ATP11B: variants seen among roughly 807,000 people sequenced by gnomAD.
ATP11B encodes phospholipid-transporting ATPase IF.
In ATP11B, 81 loss-of-function variants were observed where a neutral mutation model predicts 157.8. The ratio of observed to expected loss-of-function variants is 0.51; its 90% confidence interval spans 0.43 to 0.62. ATP11B has a LOEUF of 0.62. ATP11B is among the 20% of genes least tolerant of loss of function. The pLI, the probability that ATP11B is intolerant of heterozygous loss-of-function variation, is 0.00. For synonymous variants in ATP11B, 451 were observed against 469.4 expected, an observed-to-expected ratio of 0.96 and a Z score of 0.51; for missense variants, 1,165 against 1,402.2, an observed-to-expected ratio of 0.83 and a Z score of 2.70.
chr3:182,840,200 CT>C (rs1718899229), intron 7 of ATP11B, among the ~76,000 whole-genome samples: 1 of 152,142 alleles, frequency 6.6e-6, no homozygotes, highest in Non-Finnish European at 1.5e-5. Context: ...TTGCTTTCTC[CT>C]CTTTGATACA....
intron 1 of ATP11B, among the ~76,000 whole-genome samples, chr3:182,809,781 T>G (rs1467951906): frequency 6.6e-6 from 1 of 152,250 alleles, no homozygotes; most frequent in Non-Finnish European, 1.5e-5. Flanking sequence ...CATAAATCAC[T>G]AAGATTTCAT....
At chr3:182,802,019 A>G (rs558966225) in intron 1 of ATP11B, among the ~76,000 whole-genome samples, 16 of 152,368 alleles carry the variant, frequency 1.1e-4, no homozygotes, top group African/African-American at 3.6e-4. Flanking sequence ...CTTTGCTTCA[A>G]AACATCATGT....
intron 1 of ATP11B, among the ~76,000 whole-genome samples, chr3:182,808,932 CT>C (rs1716487369): frequency 6.6e-6 from 1 of 151,910 alleles, no homozygotes; most frequent in South Asian, 2.1e-4. Flanking sequence ...CCCTAATGTT[CT>C]TTTTCTGGTT....
chr3:182,883,245 A>G (rs1722549772), intron 21 of ATP11B, among the ~76,000 whole-genome samples: 1 of 151,526 alleles, frequency 6.6e-6, no homozygotes, highest in Non-Finnish European at 1.5e-5. Context: ...CAACAAAAGC[A>G]AGTTGTAAAA....
chr3:182,865,062 C>G (rs1721126650), intron 12 of ATP11B, among the ~76,000 whole-genome samples: 2 of 152,106 alleles, frequency 1.3e-5, no homozygotes, highest in African/African-American at 4.8e-5. Context: ...TTTCTCCTCA[C>G]TCGGATACCC....
chr3:182,840,201 T>C (rs529155), intron 7 of ATP11B, among the ~76,000 whole-genome samples: 78,139 of 152,016 alleles, frequency 0.51, 22,834 homozygotes, highest in Non-Finnish European at 0.66. Flanking sequence ...TGCTTTCTCC[T>C]CTTTGATACA....
At chr3:182,841,101 C>G (rs1180704113) in intron 7 of ATP11B, among the ~76,000 whole-genome samples, 1 of 152,162 alleles carries the variant, frequency 6.6e-6, no homozygotes, top group African/African-American at 2.4e-5. Context: ...TCTACTCCCA[C>G]CTGGTCACTA....
intron 7 of ATP11B, among the ~76,000 whole-genome samples, chr3:182,840,779 C>T (rs1034259367): frequency 6.6e-6 from 1 of 152,126 alleles, no homozygotes; most frequent in African/African-American, 2.4e-5. Flanking sequence ...CAAAATCTGA[C>T]CATCTTTTCC....
intron 22 of ATP11B, among the ~76,000 whole-genome samples, chr3:182,885,502 A>G (rs972222822): frequency 1.2e-4 from 19 of 152,110 alleles, no homozygotes; most frequent in African/African-American, 4.3e-4. Flanking sequence ...GTTTTTTTCT[A>G]ACTTATTTTT....
At position 182,918,030 on chromosome 3, in the gene ATP11B, A is replaced by G. The variant is rs1034530878; in HGVS notation, c.3460A>G (p.Ser1154Gly). The change falls in exon 30 of 30, where the codon AGT becomes GGT. Residue 1154 changes from serine (S) to glycine (G), a missense_variant. Transcript: ENST00000323116. ...CSPTHISRSWSASDPFYTNDR... is the reference protein window; with the variant it reads ...CSPTHISRSWGASDPFYTNDR... ...CTCTTATTGTTACTTTAGATCATGG[A>G]GTGCATCGGATCCTTTCTATACCAA... The G allele has an allele frequency of 1.2e-6, 2 of 1,613,022 alleles. No individual in the cohort carries two copies. Among genetic ancestry groups the G allele is most frequent in the Non-Finnish European group, 1.7e-6 (2 of 1,179,368 alleles).
rs534362241 is a variant in ATP11B at position 182,806,592 on chromosome 3, C to T, written c.27+12806C>T. Among the ~76,000 whole-genome samples, 11 of 152,152 alleles carry T rather than the reference C, an allele frequency of 7.2e-5. No individual in the cohort carries two copies. In the South Asian group the frequency reaches 2.3e-3, roughly 32 times the overall value. On this transcript the variant is annotated intron_variant, in intron 1 of 29. Coordinates refer to ENST00000323116, the MANE Select transcript of ATP11B (RefSeq NM_014616.3). ...TTTTTATTTCTAGCTTCTAGTCCAC[C>T]AATTCTCTTGTTTTCACTGTAGTTT... is the stretch of plus-strand genomic sequence containing the variant.
At chr3:182,813,977 T>A (rs912851635) in intron 1 of ATP11B, among the ~76,000 whole-genome samples, 18 of 152,302 alleles carry the variant, frequency 1.2e-4, no homozygotes, top group African/African-American at 4.3e-4. Flanking sequence ...CCACCTGCCT[T>A]GGCCTCCCAA....
intron 28 of ATP11B, among the ~76,000 whole-genome samples, chr3:182,913,257 A>T (rs1312304385): frequency 6.6e-6 from 1 of 152,216 alleles, no homozygotes; most frequent in African/African-American, 2.4e-5. Context: ...ATGATAAATG[A>T]TGCTTTTTTC....
At chr3:182,884,246 A>T (rs1224722120) in intron 21 of ATP11B, among the ~76,000 whole-genome samples, 2 of 152,074 alleles carry the variant, frequency 1.3e-5, no homozygotes, top group Non-Finnish European at 2.9e-5. Flanking sequence ...GCTTATTTTT[A>T]AAAATTTATT....
chr3:182,921,625 T>TATA (rs1435138231), exon 30 of ATP11B: 3 of 152,218 alleles, frequency 2.0e-5, no homozygotes, highest in African/African-American at 7.2e-5. Flanking sequence ...AACTTTCCTA[T>TATA]ATAATTAAAA....
intron 9 of ATP11B, among the ~76,000 whole-genome samples, chr3:182,846,780 T>C (rs1005204302): frequency 6.6e-6 from 1 of 152,316 alleles, no homozygotes; most frequent in Non-Finnish European, 1.5e-5. Flanking sequence ...GGCAAATTCA[T>C]AGAGACTGAA....
chr3:182,907,804 A>G (rs2108591133), intron 28 of ATP11B, among the ~76,000 whole-genome samples: 1 of 152,326 alleles, frequency 6.6e-6, no homozygotes, highest in Non-Finnish European at 1.5e-5. Flanking sequence ...TTTAAGTTCT[A>G]GTGGATATTT....
At chr3:182,915,037 A>C in intron 29 of ATP11B, 1 of 985,432 alleles carries the variant, frequency 1.0e-6, no homozygotes, top group Non-Finnish European at 1.2e-6. Context: ...ACAGGTTATA[A>C]AGAGTGAAGA....
intron 1 of ATP11B, among the ~76,000 whole-genome samples, chr3:182,806,078 T>A (rs1157687778): frequency 6.6e-6 from 1 of 152,218 alleles, no homozygotes; most frequent in East Asian, 1.9e-4. Context: ...AAGCAAGAGT[T>A]CATGAGTGGT....
Sources: allele counts gnomAD v4.1 joint callset (sites outside exome capture counted in the v4.1 genomes callset), GRCh38; gene constraint gnomAD v4.1.1; transcripts MANE v1.5; gene names NCBI Gene and HGNC (gene_info 2026-07-23, HGNC 2026-07-21).